The following PRR16 variants were observed in gnomAD, a reference collection of about 807,000 sequenced individuals.
PRR16 encodes protein Largen.
A neutral mutation model predicts 18.2 loss-of-function variants in PRR16; 6 were observed. The observed-to-expected ratio is 0.33, with a 90% CI of 0.18 to 0.65. The LOEUF (loss-of-function observed/expected upper bound fraction) is 0.65, where lower values mean the gene tolerates loss of function less well. Ranked by LOEUF, PRR16 falls within the 30% of genes least tolerant of loss-of-function variation. The probability of loss-of-function intolerance (pLI) is 0.74; values close to 1 mark genes in which losing one functional copy is unlikely to be tolerated. For missense variants in PRR16, 412 were observed against 376.6 expected, an observed-to-expected ratio of 1.09 and a Z score of -0.78; for synonymous variants, 151 against 147.8, an observed-to-expected ratio of 1.02 and a Z score of -0.16.
At chr5:120,753,954 TTA>T in the PRR16 span, among the ~76,000 whole-genome samples, 2 of 119,304 alleles carry the variant, frequency 1.7e-5, no homozygotes, top group Non-Finnish European at 3.3e-5. Flanking sequence ...ATGTTATATA[TTA>T]TATATAATAT....
At chr5:120,699,888 C>T in the PRR16 span, among the ~76,000 whole-genome samples, 138 of 152,108 alleles carry the variant, frequency 9.1e-4, 1 homozygote, top group Middle Eastern at 3.4e-3. Context: ...AGAATTATGC[C>T]GAGATAGGTA....
chr5:120,613,120 T>G (rs571398782), intron 1 of PRR16, among the ~76,000 whole-genome samples: 3 of 152,168 alleles, frequency 2.0e-5, no homozygotes, highest in Non-Finnish European at 4.4e-5. Context: ...ATGCAAATAT[T>G]TGCCCATGAG....
the PRR16 span, among the ~76,000 whole-genome samples, chr5:120,699,681 C>G: frequency 4.6e-5 from 7 of 152,146 alleles, no homozygotes; most frequent in African/African-American, 1.7e-4. Context: ...CCGCTGCACG[C>G]AGACATGAGG....
chr5:120,675,950 T>C (rs1406204670), intron 1 of PRR16, among the ~76,000 whole-genome samples: 1 of 152,182 alleles, frequency 6.6e-6, no homozygotes, highest in Non-Finnish European at 1.5e-5. Context: ...TTGCCACTTA[T>C]ATGCATATTA....
intron 1 of PRR16, among the ~76,000 whole-genome samples, chr5:120,509,006 G>T (rs577259277): frequency 7.0e-4 from 106 of 152,168 alleles, no homozygotes; most frequent in African/African-American, 2.5e-3. Context: ...AATAAAAATT[G>T]TGAAGTTGAA....
At chr5:120,692,110 A>G (rs942741218), downstream of PRR16, among the ~76,000 whole-genome samples, 1 of 152,198 alleles carries the variant, frequency 6.6e-6, no homozygotes, top group Non-Finnish European at 1.5e-5. Flanking sequence ...GCACCACCTA[A>G]AAACATCGAT....
At chr5:120,654,071 A>G (rs914550904) in intron 1 of PRR16, among the ~76,000 whole-genome samples, 1 of 152,080 alleles carries the variant, frequency 6.6e-6, no homozygotes, top group African/African-American at 2.4e-5. Context: ...GATGTGACAG[A>G]TAATGTAGAC....
downstream of PRR16, among the ~76,000 whole-genome samples, chr5:120,688,384 G>A (rs538068011): frequency 6.6e-6 from 1 of 152,096 alleles, no homozygotes; most frequent in Non-Finnish European, 1.5e-5. Context: ...TAATCAGAAA[G>A]TTACAAAACA....
intron 1 of PRR16, among the ~76,000 whole-genome samples, chr5:120,627,493 CTT>C (rs1325189288): frequency 6.6e-6 from 1 of 151,966 alleles, no homozygotes; most frequent in Non-Finnish European, 1.5e-5. Flanking sequence ...TTATGATAGT[CTT>C]TGATGTGCTT....
chr5:120,726,319 G>C, the PRR16 span, among the ~76,000 whole-genome samples: 115 of 152,156 alleles, frequency 7.6e-4, no homozygotes, highest in Non-Finnish European at 1.2e-3. Context: ...TCCTCTGTAA[G>C]CCTTCTGTGG....
At chr5:120,730,224 T>A in the PRR16 span, among the ~76,000 whole-genome samples, 115,604 of 152,042 alleles carry the variant, frequency 0.76, 44,237 homozygotes, top group East Asian at 0.9. Context: ...CTTTAGATAT[T>A]TAATCTTAGC....
chr5:120,777,670 A>G, the PRR16 span, among the ~76,000 whole-genome samples: 1 of 152,128 alleles, frequency 6.6e-6, no homozygotes, highest in Non-Finnish European at 1.5e-5. Flanking sequence ...TGAAAAAGCC[A>G]GGACTAAAAA....
intron 1 of PRR16, among the ~76,000 whole-genome samples, chr5:120,519,981 C>A (rs1751120619): frequency 6.6e-6 from 1 of 151,822 alleles, no homozygotes; most frequent in African/African-American, 2.4e-5. Flanking sequence ...CTCATTTCTT[C>A]AGTAGTTTTA....
At chr5:120,513,427 T>G (rs1230915041) in intron 1 of PRR16, among the ~76,000 whole-genome samples, 1 of 152,180 alleles carries the variant, frequency 6.6e-6, no homozygotes, top group Non-Finnish European at 1.5e-5. Flanking sequence ...CAACTTTTTC[T>G]CAAACCTCAC....
intron 1 of PRR16, among the ~76,000 whole-genome samples, chr5:120,489,098 T>C (rs973208680): frequency 6.6e-5 from 10 of 152,186 alleles, no homozygotes. Flanking sequence ...GGAATACGTG[T>C]GGTGTGGTGC....
At chr5:120,737,305 G>A in the PRR16 span, among the ~76,000 whole-genome samples, 3 of 56,970 alleles carry the variant, frequency 5.3e-5, no homozygotes, top group African/African-American at 1.4e-4. Context: ...CTAGTTTGTT[G>A]AGTTTTTTTT....
the PRR16 span, among the ~76,000 whole-genome samples, chr5:120,786,631 A>C: frequency 6.6e-6 from 1 of 150,538 alleles, no homozygotes. Context: ...TATAGATTAT[A>C]AAGAAGAAAA....
At chr5:120,792,956 C>A in the PRR16 span, among the ~76,000 whole-genome samples, 1 of 149,028 alleles carries the variant, frequency 6.7e-6, no homozygotes. Flanking sequence ...AGTTCGAGAC[C>A]AACCTGGACA....
At chr5:120,466,313 G>A (rs1388510792) in intron 1 of PRR16, among the ~76,000 whole-genome samples, 2 of 152,140 alleles carry the variant, frequency 1.3e-5, no homozygotes, top group South Asian at 2.1e-4. Context: ...AAATGAAATT[G>A]GGCATGTTCC....
Sources: allele counts gnomAD v4.1 joint callset (sites outside exome capture counted in the v4.1 genomes callset), GRCh38; gene constraint gnomAD v4.1.1; transcripts MANE v1.5; gene names NCBI Gene and HGNC (gene_info 2026-07-23, HGNC 2026-07-21).